SGCZ: variants seen among roughly 807,000 people sequenced by gnomAD.
The protein encoded by SGCZ is zeta-sarcoglycan.
A neutral mutation model predicts 41.3 loss-of-function variants in SGCZ; 40 were observed. That is an observed-to-expected ratio of 0.97 (90% confidence interval 0.75 to 1.26). The LOEUF is 1.26. Among genes scored for constraint, SGCZ ranks in the 50% most tolerant of loss-of-function variants. The pLI is 0.00. For missense variants in SGCZ, 552 were observed against 369.8 expected (o/e 1.49, Z -4.04); for synonymous variants, 206 against 137.5 (o/e 1.50, Z -3.49).
intron 1 of SGCZ, among the ~76,000 whole-genome samples, chr8:14,620,143 C>T (rs981927656): frequency 6.6e-6 from 1 of 152,126 alleles, no homozygotes; most frequent in Admixed American, 6.5e-5. Flanking sequence ...CACACATCTA[C>T]AACCATCTGA....
chr8:14,340,129 T>C (rs777846856), intron 2 of SGCZ, among the ~76,000 whole-genome samples: 9 of 152,274 alleles, frequency 5.9e-5, no homozygotes, highest in Middle Eastern at 3.4e-3. Flanking sequence ...TCACTGCTGT[T>C]GTTTCAATTC....
chr8:14,706,985 T>C (rs934806748), intron 1 of SGCZ, among the ~76,000 whole-genome samples: 6 of 151,608 alleles, frequency 4.0e-5, no homozygotes, highest in African/African-American at 1.5e-4. Flanking sequence ...TCAATTCTTT[T>C]TTTTTTTTTT....
intron 1 of SGCZ, among the ~76,000 whole-genome samples, chr8:14,743,643 A>T (rs965361664): frequency 3.3e-5 from 5 of 152,092 alleles, no homozygotes; most frequent in Non-Finnish European, 7.4e-5. Context: ...AATATTTTAG[A>T]AAAAGAGTGA....
chr8:15,042,370 G>C (rs1804135016), intron 1 of SGCZ, among the ~76,000 whole-genome samples: 1 of 152,150 alleles, frequency 6.6e-6, no homozygotes, highest in African/African-American at 2.4e-5. Flanking sequence ...TCACATTTCT[G>C]ATAGAGTAAG....
At chr8:14,180,362 A>C (rs1804682747) in intron 4 of SGCZ, among the ~76,000 whole-genome samples, 1 of 152,106 alleles carries the variant, frequency 6.6e-6, no homozygotes, top group Admixed American at 6.5e-5. Context: ...ATCCACTCTG[A>C]ATGCGGGGAG....
chr8:14,301,942 C>T (rs751187009), intron 3 of SGCZ, among the ~76,000 whole-genome samples: 8 of 152,050 alleles, frequency 5.3e-5, no homozygotes, highest in Non-Finnish European at 1.2e-4. Flanking sequence ...TCGTGTTTTC[C>T]AAGGCTGCCT....
chr8:15,104,814 C>T (rs962285762), intron 1 of SGCZ, among the ~76,000 whole-genome samples: 3 of 152,014 alleles, frequency 2.0e-5, no homozygotes, highest in African/African-American at 7.2e-5. Context: ...TAACTGTTAC[C>T]CATTTACATG....
chr8:14,101,501 G>A (rs555427995), intron 7 of SGCZ, among the ~76,000 whole-genome samples: 1 of 152,126 alleles, frequency 6.6e-6, no homozygotes, highest in African/African-American at 2.4e-5. Context: ...TGGAAAAATA[G>A]AACATCAATG....
chr8:15,004,215 G>A (rs144956707), intron 1 of SGCZ, among the ~76,000 whole-genome samples: 129 of 152,266 alleles, frequency 8.5e-4, no homozygotes, highest in Middle Eastern at 3.4e-3. Context: ...AAAGTCCTAA[G>A]AGATACGCAG....
At chr8:14,173,533 G>C (rs1490817769) in intron 4 of SGCZ, among the ~76,000 whole-genome samples, 2 of 152,084 alleles carry the variant, frequency 1.3e-5, no homozygotes, top group Non-Finnish European at 2.9e-5. Context: ...AAGAATTAGT[G>C]AACTTGAAAA....
chr8:14,222,813 T>A (rs1806246545), intron 4 of SGCZ, among the ~76,000 whole-genome samples: 1 of 127,818 alleles, frequency 7.8e-6, no homozygotes, highest in Non-Finnish European at 1.6e-5. Flanking sequence ...TTTTTTTTTT[T>A]TTTTTTTTTT....
rs1802014703 is a variant in SGCZ at position 14,324,092 on chromosome 8, G to A, written c.336+11C>T. 6.3e-7 allele frequency: 1 copy of A among 1,580,442 alleles called. No homozygotes were observed. The highest frequency in any genetic ancestry group is 1.1e-5 in the South Asian group (1 of 90,364). On this transcript the variant is annotated intron_variant, in intron 3 of 7. Coordinates refer to ENST00000382080, the MANE Select transcript of SGCZ (RefSeq NM_139167.4). ...TATCTTTTAGAGTAAGCCAAAGCCAGTATCACATACCTTTCGAGAATGAAT... is the reference window on the plus strand; with the variant it reads ...TATCTTTTAGAGTAAGCCAAAGCCAATATCACATACCTTTCGAGAATGAAT...
intron 2 of SGCZ, among the ~76,000 whole-genome samples, chr8:14,393,870 G>A (rs578256447): frequency 3.4e-4 from 52 of 152,068 alleles, no homozygotes; most frequent in Non-Finnish European, 5.3e-4. Flanking sequence ...TCTACAAAGC[G>A]CAGCATCTTG....
At chr8:14,115,243 C>T (rs1233728012) in intron 5 of SGCZ, among the ~76,000 whole-genome samples, 1 of 151,938 alleles carries the variant, frequency 6.6e-6, no homozygotes, top group Non-Finnish European at 1.5e-5. Flanking sequence ...TCTAGAGAAT[C>T]CTGAGTGAGA....
chr8:14,691,618 A>T (rs984355365), intron 1 of SGCZ, among the ~76,000 whole-genome samples: 5 of 150,710 alleles, frequency 3.3e-5, no homozygotes, highest in Middle Eastern at 3.2e-3. Flanking sequence ...AATGTCACCT[A>T]AAAAAAAAGG....
intron 1 of SGCZ, among the ~76,000 whole-genome samples, chr8:14,725,201 T>C (rs1006877784): frequency 6.6e-6 from 1 of 152,242 alleles, no homozygotes; most frequent in East Asian, 1.9e-4. Context: ...CTGAATAATA[T>C]TCCATTGTGT....
At chr8:14,618,680 G>T (rs533550602) in intron 1 of SGCZ, among the ~76,000 whole-genome samples, 1 of 152,154 alleles carries the variant, frequency 6.6e-6, no homozygotes, top group Non-Finnish European at 1.5e-5. Flanking sequence ...AGGAAGTTTT[G>T]TGTAGGAAGA....
At position 14,097,179 on chromosome 8, in the gene SGCZ, G is replaced by T. The variant is rs575821090; in HGVS notation, c.744+5197C>A. On this transcript the variant is annotated intron_variant, in intron 7 of 7. Coordinates refer to ENST00000382080, the MANE Select transcript of SGCZ (RefSeq NM_139167.4). Reference sequence around the variant, plus strand: ...TCTTGCTTCTCTGGTTCTTTTAATTGTGATGTTAGGGTGTTGATTTTAGAT... The same window carrying T: ...TCTTGCTTCTCTGGTTCTTTTAATTTTGATGTTAGGGTGTTGATTTTAGAT... Among the ~76,000 whole-genome samples the T allele has an allele frequency of 2.6e-5, 4 of 152,142 alleles. No individual in the cohort carries two copies. The East Asian group carries it at 7.7e-4, about 29-fold the overall frequency.
chr8:14,843,688 TA>T (rs143795007), intron 1 of SGCZ, among the ~76,000 whole-genome samples: 2 of 152,008 alleles, frequency 1.3e-5, no homozygotes, highest in Non-Finnish European at 2.9e-5. Flanking sequence ...GGATATGATC[TA>T]AAAAAATTGC....
Sources: allele counts gnomAD v4.1 joint callset (sites outside exome capture counted in the v4.1 genomes callset), GRCh38; gene constraint gnomAD v4.1.1; transcripts MANE v1.5; gene names NCBI Gene and HGNC (gene_info 2026-07-23, HGNC 2026-07-21).